The following IFT43 variants were observed in gnomAD, a reference collection of about 807,000 sequenced individuals.
IFT43 encodes the protein intraflagellar transport protein 43 homolog.
IFT43 carries 33 observed loss-of-function variants against 32.3 expected under a neutral mutation model. The ratio of observed to expected loss-of-function variants is 1.02; its 90% CI spans 0.77 to 1.37. The LOEUF is 1.37. Among genes scored for constraint, IFT43 ranks in the 40% most tolerant of loss-of-function variants. The probability of loss-of-function intolerance (pLI) is 0.00; values close to 1 mark genes in which losing one functional copy is unlikely to be tolerated. For synonymous variants in IFT43, 93 were observed against 98.2 expected, an observed-to-expected ratio of 0.95 and a Z score of 0.31; for missense variants, 274 against 265.9, an observed-to-expected ratio of 1.03 and a Z score of -0.21.
chr14:76,083,335 C>G (rs1335364327), intron 8 of IFT43, 46 bp downstream of exon 8: 2 of 1,610,000 alleles, frequency 1.2e-6, no homozygotes, highest in East Asian at 4.5e-5. Context: ...TCTGGCATTC[C>G]CATAACCAGC....
chr14:76,038,925 C>T (rs1461204784), intron 3 of IFT43, among the ~76,000 whole-genome samples: 1 of 152,092 alleles, frequency 6.6e-6, no homozygotes, highest in Non-Finnish European at 1.5e-5. Context: ...AGTTAGACCT[C>T]GCTCTAACTG....
intron 5 of IFT43, chr14:76,076,782 A>C: frequency 6.9e-7 from 1 of 1,446,596 alleles, no homozygotes; most frequent in Non-Finnish European, 9.6e-7. Flanking sequence ...GCATGTGATG[A>C]TATTATCCGT....
At chr14:76,006,546 A>G (rs2139911447) in intron 2 of IFT43, among the ~76,000 whole-genome samples, 1 of 152,306 alleles carries the variant, frequency 6.6e-6, no homozygotes, top group East Asian at 1.9e-4. Context: ...TGATAGGAGA[A>G]ATCCAAGAAC....
chr14:76,032,887 T>A (rs777870198), intron 3 of IFT43, among the ~76,000 whole-genome samples: 1 of 151,734 alleles, frequency 6.6e-6, no homozygotes, highest in African/African-American at 2.4e-5. Flanking sequence ...GAGGGAGGAG[T>A]TGAAGGTCAC....
rs200797731 is a variant in IFT43 at position 75,989,024 on chromosome 14, T to G, written c.147+47T>G. 2.9e-4 allele frequency: 460 copies of G among 1,606,138 alleles called. 2 individuals are homozygous for G. The African/African-American group carries it at 5.1e-3, about 18-fold the overall frequency. On this transcript the variant is annotated intron_variant, in intron 2 of 8. Coordinates refer to ENST00000314067, the MANE Select transcript of IFT43 (RefSeq NM_001102564.3). ...AATCTGAAGAAATACTGTTTAAGAGTTAGTGATTCCTTAATGACCAAGGAT... is the reference window on the plus strand; with the variant it reads ...AATCTGAAGAAATACTGTTTAAGAGGTAGTGATTCCTTAATGACCAAGGAT...
intron 5 of IFT43, among the ~76,000 whole-genome samples, chr14:76,066,228 T>C (rs1412433504): frequency 2.0e-5 from 3 of 152,272 alleles, no homozygotes; most frequent in Non-Finnish European, 4.4e-5. Context: ...ACTTCTAGTA[T>C]TTTTTCCTCC....
At chr14:76,072,403 C>G (rs575469616) in intron 5 of IFT43, among the ~76,000 whole-genome samples, 33 of 152,168 alleles carry the variant, frequency 2.2e-4, no homozygotes, top group Non-Finnish European at 3.8e-4. Flanking sequence ...AGGCCAGAGT[C>G]CCTAACTATG....
intron 5 of IFT43, among the ~76,000 whole-genome samples, chr14:76,077,962 C>A (rs371992724): frequency 1.3e-5 from 2 of 152,180 alleles, no homozygotes; most frequent in South Asian, 4.1e-4. Flanking sequence ...ATCCCACACC[C>A]CCAAATTAAA....
At chr14:76,058,973 A>C (rs1303784491) in intron 4 of IFT43, 7 of 1,434,202 alleles carry the variant, frequency 4.9e-6, no homozygotes, top group Non-Finnish European at 6.4e-6. Flanking sequence ...GGCAGAAGCA[A>C]TACCAGCTTC....
intron 3 of IFT43, among the ~76,000 whole-genome samples, chr14:76,036,142 C>T (rs1481764634): frequency 6.6e-6 from 1 of 152,080 alleles, no homozygotes; most frequent in African/African-American, 2.4e-5. Flanking sequence ...TTGATAAGGA[C>T]TGTTTTTGTT....
chr14:75,996,537 G>A (rs550920255), intron 2 of IFT43, among the ~76,000 whole-genome samples: 2 of 152,276 alleles, frequency 1.3e-5, no homozygotes, highest in East Asian at 3.9e-4. Context: ...ATATTTCATA[G>A]ACTAACAACT....
chr14:76,038,533 A>G (rs2036646609), intron 3 of IFT43, among the ~76,000 whole-genome samples: 1 of 152,182 alleles, frequency 6.6e-6, no homozygotes, highest in South Asian at 2.1e-4. Context: ...CAGAGCCTGG[A>G]CAGAAAGATG....
At chr14:76,054,568 T>G (rs926675449) in intron 3 of IFT43, among the ~76,000 whole-genome samples, 1 of 152,238 alleles carries the variant, frequency 6.6e-6, no homozygotes, top group African/African-American at 2.4e-5. Context: ...AACCTGCTTT[T>G]CCTCTTCTCC....
chr14:76,026,621 A>T (rs921857419), intron 3 of IFT43, among the ~76,000 whole-genome samples: 2 of 152,014 alleles, frequency 1.3e-5, no homozygotes, highest in Admixed American at 1.3e-4. Flanking sequence ...AGGAACGATT[A>T]TACAGTGTTA....
chr14:76,071,599 C>T (rs2037321759), intron 5 of IFT43, among the ~76,000 whole-genome samples: 1 of 152,152 alleles, frequency 6.6e-6, no homozygotes, highest in South Asian at 2.1e-4. Context: ...TGGGCAGCAG[C>T]ACCATCACAC....
At chr14:76,060,339 T>A (rs1225484358) in intron 5 of IFT43, among the ~76,000 whole-genome samples, 1 of 152,086 alleles carries the variant, frequency 6.6e-6, no homozygotes, top group East Asian at 1.9e-4. Context: ...TGCCTCAGCC[T>A]CCCGAGTAGC....
chr14:76,076,551 C>T (rs1430721006), intron 5 of IFT43: 2 of 1,611,912 alleles, frequency 1.2e-6, no homozygotes, highest in African/African-American at 1.3e-5. Flanking sequence ...TTGGGGTATA[C>T]TCATTGCAAG....
chr14:76,009,991 C>T (rs6574265), intron 2 of IFT43, among the ~76,000 whole-genome samples: 87,502 of 151,856 alleles, frequency 0.58, 26,723 homozygotes, highest in Non-Finnish European at 0.68. Context: ...GACAGGGTTT[C>T]ACCATGTTGG....
intron 5 of IFT43, among the ~76,000 whole-genome samples, chr14:76,062,865 C>T (rs1300814505): frequency 1.0e-4 from 13 of 124,244 alleles, no homozygotes; most frequent in South Asian, 5.6e-4. Context: ...TGCAGTGAGG[C>T]GGAGTTTGCA....
Sources: allele counts gnomAD v4.1 joint callset (sites outside exome capture counted in the v4.1 genomes callset), GRCh38; gene constraint gnomAD v4.1.1; transcripts MANE v1.5; gene names NCBI Gene and HGNC (gene_info 2026-07-23, HGNC 2026-07-21).